The following SRBD1 variants were observed in gnomAD, a reference collection of about 807,000 sequenced individuals.
SRBD1 encodes S1 RNA-binding domain-containing protein 1.
In SRBD1, 88 loss-of-function variants were observed where a neutral mutation model predicts 115.3. The ratio of observed to expected loss-of-function variants is 0.76; its 90% CI spans 0.64 to 0.91. The LOEUF is 0.91. Ranked by LOEUF, SRBD1 falls within the 40% of genes least tolerant of loss-of-function variation. The pLI is 0.00. For synonymous variants in SRBD1, 509 were observed against 407.7 expected (o/e 1.25, Z -2.99); for missense variants, 1,385 against 1,177.4 (o/e 1.18, Z -2.58).
At chr2:45,477,216 T>C in intron 15 of SRBD1, 141 bp from the exon 16 acceptor site, 4 of 659,358 alleles carry the variant, frequency 6.1e-6, no homozygotes, top group Non-Finnish European at 1.0e-5. Context: ...ACAATTTAAA[T>C]TTCAAAGTTC....
chr2:45,529,117 C>T (rs3770282), intron 14 of SRBD1, among the ~76,000 whole-genome samples: 117,174 of 151,746 alleles, frequency 0.77, 45,705 homozygotes, highest in African/African-American at 0.83. Flanking sequence ...TATAGTAAGA[C>T]CTCAGGCTTA....
intron 3 of SRBD1, 23 bp downstream of exon 3, chr2:45,601,880 C>T (rs528716338): frequency 1.9e-6 from 3 of 1,612,494 alleles, no homozygotes; most frequent in South Asian, 2.2e-5. Context: ...ACAGAGTTCC[C>T]TCTATCCAGC....
In SRBD1 at chr2:45,444,415, T is replaced by C. The variant is rs1339687653; in HGVS notation, c.2050-24521A>G. On this transcript the variant is annotated intron_variant, in intron 16 of 20. Transcript: ENST00000263736. ...TAGTAAAGAAATAAGCTTGTTAATATGTAAAGACATGGAAACCTCCTGTAT... is the reference window on the plus strand; with the variant it reads ...TAGTAAAGAAATAAGCTTGTTAATACGTAAAGACATGGAAACCTCCTGTAT... Among the ~76,000 whole-genome samples, 4 of 152,344 alleles carry C rather than the reference T, an allele frequency of 2.6e-5. No homozygotes were observed. The East Asian group carries it at 5.8e-4, about 22-fold the overall frequency.
At position 45,389,137 on chromosome 2, in the gene SRBD1, T is replaced by C. The variant is rs1666925818; in HGVS notation, c.*173A>G. The C allele has an allele frequency of 1.3e-6, 1 of 753,132 alleles. No individual in the cohort carries two copies. The highest frequency in any genetic ancestry group is 2.7e-5 in the East Asian group (1 of 36,818). The allele number at this position is 753,132 out of a possible 1,614,324, so 46.7% of individuals were successfully genotyped here. ...CCTTTAAGGGAAAAGGAAATCAAAC[T>C]GTTGGTTTTCTATTTATTCAGAAGA... On this transcript the variant is annotated 3_prime_UTR_variant, in exon 21 of 21. Coordinates refer to ENST00000263736, the MANE Select transcript of SRBD1 (RefSeq NM_018079.5).
intron 14 of SRBD1, 100 bp from the exon 15 acceptor site, chr2:45,488,431 ACAGGGC>A: frequency 2.4e-6 from 2 of 837,810 alleles, no homozygotes; most frequent in Non-Finnish European, 3.8e-6. Flanking sequence ...AAAAAAAATA[ACAGGGC>A]AAACTGTTCT....
At chr2:45,503,130 G>A (rs972016922) in intron 14 of SRBD1, among the ~76,000 whole-genome samples, 5 of 152,164 alleles carry the variant, frequency 3.3e-5, no homozygotes, top group African/African-American at 1.2e-4. Flanking sequence ...ATACATAAAT[G>A]TCTTTCATAG....
chr2:45,395,445 T>C (rs1667117680), intron 19 of SRBD1, among the ~76,000 whole-genome samples: 1 of 152,300 alleles, frequency 6.6e-6, no homozygotes, highest in South Asian at 2.1e-4. Flanking sequence ...ATTCTGCCTA[T>C]AGTGGTTGCA....
chr2:45,420,114 C>G (rs1265624306), intron 16 of SRBD1, among the ~76,000 whole-genome samples: 1 of 152,140 alleles, frequency 6.6e-6, no homozygotes, highest in Non-Finnish European at 1.5e-5. Context: ...TATAACAGTA[C>G]CAGTATTTTT....
intron 14 of SRBD1, among the ~76,000 whole-genome samples, chr2:45,529,838 T>C (rs1421807008): frequency 6.6e-6 from 1 of 152,008 alleles, no homozygotes; most frequent in African/African-American, 2.4e-5. Context: ...ATAGAAAGAC[T>C]TCCTCAAAGC....
At chr2:45,391,256 T>C (rs141329915) in intron 20 of SRBD1, among the ~76,000 whole-genome samples, 1 of 152,296 alleles carries the variant, frequency 6.6e-6, no homozygotes, top group East Asian at 1.9e-4. Context: ...AACACTTTCA[T>C]AGCCAAGCAT....
intron 14 of SRBD1, among the ~76,000 whole-genome samples, chr2:45,540,371 A>G (rs1384456633): frequency 6.6e-6 from 1 of 151,864 alleles, no homozygotes; most frequent in Non-Finnish European, 1.5e-5. Context: ...AAATGAGTGG[A>G]TGTCAATTCT....
At chr2:45,564,756 G>A (rs1205466476) in intron 9 of SRBD1, among the ~76,000 whole-genome samples, 2 of 152,172 alleles carry the variant, frequency 1.3e-5, no homozygotes, top group Non-Finnish European at 2.9e-5. Flanking sequence ...CTTACACGTG[G>A]ATTTTTTTCA....
chr2:45,581,247 C>G (rs557653043), intron 6 of SRBD1, among the ~76,000 whole-genome samples: 3 of 151,978 alleles, frequency 2.0e-5, no homozygotes, highest in East Asian at 3.9e-4. Flanking sequence ...TTTTTTCCTA[C>G]CTCCTTATGC....
At chr2:45,457,291 C>T (rs773539707) in intron 16 of SRBD1, among the ~76,000 whole-genome samples, 3 of 151,830 alleles carry the variant, frequency 2.0e-5, no homozygotes, top group Admixed American at 1.3e-4. Flanking sequence ...ACATGATTTG[C>T]GGATGAAGTT....
intron 16 of SRBD1, among the ~76,000 whole-genome samples, chr2:45,422,520 T>C (rs760424523): frequency 1.7e-4 from 26 of 152,236 alleles, no homozygotes; most frequent in Non-Finnish European, 2.8e-4. Flanking sequence ...ACATACAGCA[T>C]ATTGTATATA....
chr2:45,414,906 T>C (rs1409675099), intron 18 of SRBD1, among the ~76,000 whole-genome samples: 3 of 99,266 alleles, frequency 3.0e-5, no homozygotes, highest in Admixed American at 2.0e-4. Flanking sequence ...CACACACATA[T>C]AGTGTGTATA....
intron 16 of SRBD1, among the ~76,000 whole-genome samples, chr2:45,434,887 A>G (rs1031112536): frequency 1.6e-4 from 25 of 151,822 alleles, no homozygotes; most frequent in African/African-American, 5.1e-4. Flanking sequence ...CGTCATTTAC[A>G]TTAGGTATTT....
chr2:45,528,260 A>G (rs1671509549), intron 14 of SRBD1, among the ~76,000 whole-genome samples: 1 of 151,896 alleles, frequency 6.6e-6, no homozygotes, highest in African/African-American at 2.4e-5. Flanking sequence ...GCGAGTATCA[A>G]GAGACTATAC....
chr2:45,585,573 C>CT, intron 5 of SRBD1, 35 bp downstream of exon 5: 1 of 1,583,524 alleles, frequency 6.3e-7, no homozygotes, highest in South Asian at 1.2e-5. Flanking sequence ...GCCTTTTCCC[C>CT]TTACACTAGG....
Sources: gnomAD v4.1 joint callset for allele counts (sites outside exome capture counted in the v4.1 genomes callset) on GRCh38, gnomAD v4.1.1 for gene constraint, MANE v1.5 for transcripts, NCBI Gene and HGNC (gene_info 2026-07-23, HGNC 2026-07-21) for gene names.